Variants in PLLP observed in about 807,000 individuals in gnomAD.
PLLP encodes the protein plasma membrane proteolipid (plasmolipin).
In PLLP, 15 loss-of-function variants were observed where a neutral mutation model predicts 19.7. That is an observed-to-expected ratio of 0.76 (90% CI 0.51 to 1.17). The LOEUF is 1.17. PLLP is among the 50% of genes most tolerant of loss of function. The pLI, the probability that PLLP is intolerant of heterozygous loss-of-function variation, is 0.00. For missense variants in PLLP, 255 were observed against 258.3 expected (o/e 0.99, Z 0.09); for synonymous variants, 111 against 116.3 (o/e 0.95, Z 0.29).
chr16:57,257,867 G>T (rs1261528679), intron 3 of PLLP, among the ~76,000 whole-genome samples: 3 of 152,140 alleles, frequency 2.0e-5, no homozygotes, highest in African/African-American at 7.2e-5. Flanking sequence ...TGGCACAGCT[G>T]ATTTACAACA....
intron 1 of PLLP, among the ~76,000 whole-genome samples, chr16:57,265,127 C>A (rs913341658): frequency 6.6e-6 from 1 of 152,244 alleles, no homozygotes; most frequent in African/African-American, 2.4e-5. Context: ...CTCTCACCGC[C>A]GCAAGCAGGC....
chr16:57,257,060 C>A (rs11860306), intron 3 of PLLP, 31 bp from the exon 4 acceptor site: 8 of 1,489,470 alleles, frequency 5.4e-6, no homozygotes, highest in South Asian at 1.1e-5. Context: ...GCTTAAGGAC[C>A]GAGAGGGTGA....
intron 2 of PLLP, 49 bp downstream of exon 2, chr16:57,261,848 T>A: frequency 6.4e-7 from 1 of 1,556,878 alleles, no homozygotes; most frequent in Non-Finnish European, 8.9e-7. Flanking sequence ...CTAGGGAAAG[T>A]CACAGTGGTC....
intron 1 of PLLP, among the ~76,000 whole-genome samples, chr16:57,283,473 A>T (rs1211352200): frequency 1.3e-5 from 2 of 152,148 alleles, no homozygotes; most frequent in Non-Finnish European, 2.9e-5. Flanking sequence ...CACTCGCTGG[A>T]TTGCTAAGAA....
At chr16:57,259,605 A>G (rs2075436103) in intron 2 of PLLP, among the ~76,000 whole-genome samples, 1 of 152,196 alleles carries the variant, frequency 6.6e-6, no homozygotes, top group Non-Finnish European at 1.5e-5. Context: ...TTCGTCCAAT[A>G]TACTTTTAAA....
At position 57,284,593 on chromosome 16, in the gene PLLP, A is replaced by G; in HGVS notation, c.-53T>C. 3.8e-6 allele frequency: 5 copies of G among 1,304,456 alleles called. No individual in the cohort carries two copies. Among genetic ancestry groups the G allele is most frequent in the Non-Finnish European group, 4.9e-6 (5 of 1,021,200 alleles). 80.8% of individuals were successfully genotyped at this position (1,304,456 alleles called of 1,614,324 possible). The stretch of plus-strand genomic sequence containing the variant: ...CTACGGCCGCCGTCGCCGCCCCTCC[A>G]GCGGTGGGTGCCGGCTCCCGCGCCG... On this transcript the variant is annotated 5_prime_UTR_variant, in exon 1 of 4. Coordinates refer to ENST00000219207, the MANE Select transcript of PLLP (RefSeq NM_015993.3).
chr16:57,261,976 C>T lies in PLLP; in HGVS notation c.230G>A (p.Trp77Ter). 6.2e-7 allele frequency: 1 copy of T among 1,614,146 alleles called. No individual in the cohort carries two copies. The highest frequency in any genetic ancestry group is 8.5e-7 in the Non-Finnish European group (1 of 1,180,022). The change falls in exon 2 of 4, where the codon TGG becomes TAG. Residue 77 changes from tryptophan (W) to a stop codon, truncating the protein, a stop_gained. Transcript: ENST00000219207. LOFTEE classifies it high-confidence loss of function. ...GWVMFVAVFL[W>*]LVTIVLFNLY... Reference sequence around the variant, plus strand: ...GTTGAAGAGGACGATTGTCACCAGCCAGAGGAAGACAGCGACGAACATCAC... The same window carrying T: ...GTTGAAGAGGACGATTGTCACCAGCTAGAGGAAGACAGCGACGAACATCAC...
At chr16:57,271,508 G>A (rs1183838150) in intron 1 of PLLP, among the ~76,000 whole-genome samples, 1 of 152,044 alleles carries the variant, frequency 6.6e-6, no homozygotes. Flanking sequence ...AGCTGGGCGT[G>A]GTGGTGGGCA....
intron 1 of PLLP, among the ~76,000 whole-genome samples, chr16:57,276,167 T>C (rs1217932868): frequency 2.6e-5 from 4 of 152,116 alleles, no homozygotes; most frequent in African/African-American, 7.2e-5. Context: ...GATAAGAGAC[T>C]GAAAATAGGC....
intron 1 of PLLP, among the ~76,000 whole-genome samples, chr16:57,276,346 C>T (rs1901153358): frequency 6.6e-6 from 1 of 152,118 alleles, no homozygotes. Context: ...AATCCCAGCA[C>T]TTTGGAAGGC....
At position 57,273,566 on chromosome 16, in the gene PLLP, G is replaced by A. The variant is rs190240918; in HGVS notation, c.135+10840C>T. Among the ~76,000 whole-genome samples the A allele has an allele frequency of 3.2e-3, 483 of 152,324 alleles. 2 individuals are homozygous for A. The highest frequency in any genetic ancestry group is 0.011 in the African/African-American group (452 of 41,562). On this transcript the variant is annotated intron_variant, in intron 1 of 3. Coordinates refer to ENST00000219207, the MANE Select transcript of PLLP (RefSeq NM_015993.3). ...TGGGCCTGGCTTTTGTCACAATCAG[G>A]GCTCAGCCCACTGGGCTGCCAAGAA...
intron 1 of PLLP, among the ~76,000 whole-genome samples, chr16:57,281,732 C>G (rs543425108): frequency 6.6e-6 from 1 of 152,026 alleles, no homozygotes; most frequent in African/African-American, 2.4e-5. Context: ...GGGATGGTCT[C>G]CGTCTCCTGA....
chr16:57,279,960 C>T (rs1023466803), intron 1 of PLLP, among the ~76,000 whole-genome samples: 7 of 152,340 alleles, frequency 4.6e-5, no homozygotes, highest in South Asian at 4.1e-4. Flanking sequence ...ATGGCCTTAC[C>T]GCCACAGGGC....
In PLLP at chr16:57,258,603, G is replaced by A. The variant is rs181628425; in HGVS notation, c.310-19C>T. Reference sequence around the variant, plus strand: ...TCATTAACTGCAGGACATGGGGGTAGGGAGTGGGGAGAGAAAAGGCTTAAG... The same window carrying A: ...TCATTAACTGCAGGACATGGGGGTAAGGAGTGGGGAGAGAAAAGGCTTAAG... On this transcript the variant is annotated intron_variant, in intron 2 of 3. Coordinates refer to ENST00000219207, the MANE Select transcript of PLLP (RefSeq NM_015993.3). 2 of 1,611,366 alleles carry A rather than the reference G, an allele frequency of 1.2e-6. No individual in the cohort carries two copies. The highest frequency in any genetic ancestry group is 2.2e-5 in the East Asian group (1 of 44,858).
chr16:57,266,349 G>A (rs1226326036), intron 1 of PLLP, among the ~76,000 whole-genome samples: 7 of 152,138 alleles, frequency 4.6e-5, no homozygotes, highest in African/African-American at 9.7e-5. Flanking sequence ...GAGCTGCCTC[G>A]GTTTCTGCCC....
chr16:57,267,534 C>T (rs1318007652), intron 1 of PLLP, among the ~76,000 whole-genome samples: 1 of 152,000 alleles, frequency 6.6e-6, no homozygotes, highest in Non-Finnish European at 1.5e-5. Context: ...CACCACTGCA[C>T]TCCAGCCTGG....
At chr16:57,273,382 C>T (rs1260618220) in intron 1 of PLLP, among the ~76,000 whole-genome samples, 3 of 152,182 alleles carry the variant, frequency 2.0e-5, no homozygotes, top group Non-Finnish European at 4.4e-5. Flanking sequence ...CATCCCAGAA[C>T]AGGCCTGTGT....
chr16:57,260,508 G>GTT (rs1386557984), intron 2 of PLLP, among the ~76,000 whole-genome samples: 1 of 152,124 alleles, frequency 6.6e-6, no homozygotes, highest in Non-Finnish European at 1.5e-5. Context: ...TGCCAGGGAT[G>GTT]TCGAGATCTA....
In PLLP at chr16:57,284,391, C is replaced by A. The variant is rs1901256447; in HGVS notation, c.135+15G>T. 2 of 1,376,524 alleles carry A rather than the reference C, an allele frequency of 1.5e-6. No homozygotes were observed. Among genetic ancestry groups the A allele is most frequent in the Admixed American group, 3.3e-5 (1 of 30,422 alleles). 85.3% of individuals were successfully genotyped at this position (1,376,524 alleles called of 1,614,324 possible). A position where few individuals can be genotyped will look rare whatever the true frequency, so the allele number is the denominator to read the frequency against. On this transcript the variant is annotated intron_variant, in intron 1 of 3. Transcript: ENST00000219207. ...GAGCCCCCGGCCAACCCCGTGGGCC[C>A]GCGCGTGCTCTCACCAGCTGCAGCA...
Sources: allele counts gnomAD v4.1 joint callset (sites outside exome capture counted in the v4.1 genomes callset), GRCh38; gene constraint gnomAD v4.1.1; transcripts MANE v1.5; gene names NCBI Gene and HGNC (gene_info 2026-07-23, HGNC 2026-07-21).